PAPPA2: variants seen among roughly 807,000 people sequenced by gnomAD.
PAPPA2 encodes the protein pappalysin-2.
Under a neutral mutation model 176.4 loss-of-function variants are expected in PAPPA2, and 86 were observed. The ratio of observed to expected loss-of-function variants is 0.49; its 90% CI spans 0.41 to 0.58. The LOEUF is 0.58. Ranked by LOEUF, PAPPA2 falls within the 20% of genes least tolerant of loss-of-function variation. PAPPA2 has a pLI of 0.00. For missense variants in PAPPA2, 2,073 were observed against 2,256.9 expected (o/e 0.92, Z 1.65); for synonymous variants, 809 against 852.2 (o/e 0.95, Z 0.88).
At position 176,557,192 on chromosome 1, in the gene PAPPA2, A is replaced by G; in HGVS notation, c.870A>G (p.Glu290=). The G allele has an allele frequency of 6.2e-7, 1 of 1,611,968 alleles. No individual in the cohort carries two copies. Among genetic ancestry groups the G allele is most frequent in the Non-Finnish European group, 8.5e-7 (1 of 1,179,154 alleles). Residue 290 remains glutamate (E), a synonymous_variant, in exon 2 of 23, where the codon GAA becomes GAG. Transcript: ENST00000367662. ...AEIPREAFTV[E]AWVKPEGGQN... ...TTCCCCGGGAGGCGTTCACAGTGGA[A>G]GCCTGGGTTAAACCGGAGGGAGGAC...
intron 3 of PAPPA2, among the ~76,000 whole-genome samples, chr1:176,599,062 C>G (rs530653418): frequency 6.6e-6 from 1 of 152,118 alleles, no homozygotes; most frequent in African/African-American, 2.4e-5. Context: ...GATTGAAAAA[C>G]AGTTTATCTC....
chr1:176,628,052 C>T (rs1045950177), intron 3 of PAPPA2, among the ~76,000 whole-genome samples: 1 of 152,130 alleles, frequency 6.6e-6, no homozygotes, highest in Non-Finnish European at 1.5e-5. Context: ...AGAAGGGCCA[C>T]TCGAGATTAA....
chr1:176,492,017 A>G (rs543457045), intron 1 of PAPPA2, among the ~76,000 whole-genome samples: 24 of 152,340 alleles, frequency 1.6e-4, no homozygotes, highest in African/African-American at 5.3e-4. Context: ...TGTCCACAGG[A>G]TGCTCCTGAA....
intron 3 of PAPPA2, among the ~76,000 whole-genome samples, chr1:176,667,423 A>G (rs1043974303): frequency 6.6e-6 from 1 of 152,120 alleles, no homozygotes; most frequent in Non-Finnish European, 1.5e-5. Context: ...TGGGGAGTAT[A>G]TGGGAATGAG....
intron 2 of PAPPA2, among the ~76,000 whole-genome samples, chr1:176,562,740 G>A (rs1573045554): frequency 1.3e-5 from 2 of 152,350 alleles, no homozygotes; most frequent in Admixed American, 1.3e-4. Flanking sequence ...GAGTTGACTT[G>A]TGTGAACAGG....
intron 1 of PAPPA2, among the ~76,000 whole-genome samples, chr1:176,494,097 T>C (rs1647463506): frequency 6.6e-6 from 1 of 152,160 alleles, no homozygotes; most frequent in Non-Finnish European, 1.5e-5. Flanking sequence ...GAACATAAAT[T>C]AGACTGAAAC....
intron 12 of PAPPA2, among the ~76,000 whole-genome samples, chr1:176,712,355 A>G (rs2102836550): frequency 6.6e-6 from 1 of 152,210 alleles, no homozygotes; most frequent in African/African-American, 2.4e-5. Context: ...TAGTTATTAC[A>G]CCACTGAGGT....
intron 4 of PAPPA2, among the ~76,000 whole-genome samples, chr1:176,672,345 A>G (rs1460684579): frequency 6.6e-6 from 1 of 152,148 alleles, no homozygotes; most frequent in East Asian, 1.9e-4. Context: ...AATTTTATAA[A>G]TGATTTTTAA....
In PAPPA2 at chr1:176,556,561, G is replaced by T; in HGVS notation, c.239G>T (p.Arg80Met). The change falls in exon 2 of 23, where the codon AGG (arginine) becomes ATG (methionine). Residue 80 changes from arginine to methionine, a missense_variant. Coordinates refer to ENST00000367662, the MANE Select transcript of PAPPA2 (RefSeq NM_020318.3). ...CCCAGCAGGGCTGGGAACTACCTAA[G>T]GCCCTACCCCGTGGGGGAGCAAGAA... ...VYPSRAGNYL[R>M]PYPVGEQEIH... The T allele has an allele frequency of 6.2e-7, 1 of 1,614,210 alleles. No individual in the cohort carries two copies. The highest frequency in any genetic ancestry group is 8.5e-7 in the Non-Finnish European group (1 of 1,180,038).
At chr1:176,578,879 G>T (rs1445005711) in intron 2 of PAPPA2, among the ~76,000 whole-genome samples, 3 of 152,210 alleles carry the variant, frequency 2.0e-5, no homozygotes, top group African/African-American at 7.2e-5. Context: ...AAGGGTATGA[G>T]ATGGCGCCTT....
At chr1:176,816,152 G>A (rs1414840503) in intron 21 of PAPPA2, among the ~76,000 whole-genome samples, 1 of 42,258 alleles carries the variant, frequency 2.4e-5, no homozygotes, top group Non-Finnish European at 4.4e-5. Context: ...CTTTCACAGT[G>A]TATATATATA....
chr1:176,594,480 T>C (rs1653836499), intron 2 of PAPPA2, 44 bp from the exon 3 acceptor site: 2 of 1,501,640 alleles, frequency 1.3e-6, no homozygotes, highest in South Asian at 2.4e-5. Context: ...TTCCCCTTTG[T>C]ATCTGGTATC....
intron 1 of PAPPA2, among the ~76,000 whole-genome samples, chr1:176,539,017 C>T (rs759970065): frequency 6.6e-6 from 1 of 152,194 alleles, no homozygotes; most frequent in Non-Finnish European, 1.5e-5. Flanking sequence ...AATTCCATGG[C>T]TGGTTCTAAG....
At chr1:176,558,640 A>T (rs1651473350) in intron 2 of PAPPA2, among the ~76,000 whole-genome samples, 1 of 152,138 alleles carries the variant, frequency 6.6e-6, no homozygotes, top group Non-Finnish European at 1.5e-5. Flanking sequence ...GAAAGAGTAG[A>T]AGGAAATCCT....
chr1:176,501,923 C>G (rs745609837), intron 1 of PAPPA2, among the ~76,000 whole-genome samples: 11 of 152,166 alleles, frequency 7.2e-5, no homozygotes, highest in Admixed American at 6.5e-5. Context: ...TTAATGCACC[C>G]TGGTTCAGTG....
chr1:176,551,582 C>A (rs1048379786), intron 1 of PAPPA2, among the ~76,000 whole-genome samples: 3 of 152,146 alleles, frequency 2.0e-5, no homozygotes, highest in Non-Finnish European at 2.9e-5. Flanking sequence ...ACTGGCTCCT[C>A]TCTTTGTGCA....
rs557545411 is a variant in PAPPA2 at position 176,764,372 on chromosome 1, A to G, written c.4152-1294A>G. On this transcript the variant is annotated intron_variant, in intron 14 of 22. Transcript: ENST00000367662. The stretch of plus-strand genomic sequence containing the variant: ...CCAGTGAGGCCTTTTGCAGTGCTTC[A>G]TGCAGTAGAGGAATAACAACTCTGT... 5.9e-5 allele frequency among the ~76,000 whole-genome samples: 9 copies of G among 152,332 alleles called. No homozygotes were observed. In the Middle Eastern group the frequency reaches 0.01, roughly 173 times the overall value.
At chr1:176,574,195 A>G (rs61821125) in intron 2 of PAPPA2, among the ~76,000 whole-genome samples, 23,440 of 152,206 alleles carry the variant, frequency 0.15, 2,050 homozygotes, top group South Asian at 0.25. Context: ...ATATAGGCCT[A>G]TATATGTTAA....
At chr1:176,586,441 C>T (rs932764642) in intron 2 of PAPPA2, among the ~76,000 whole-genome samples, 7 of 152,104 alleles carry the variant, frequency 4.6e-5, no homozygotes, top group Admixed American at 1.3e-4. Flanking sequence ...GTTCCCCTCC[C>T]TCACCCCCAT....
Sources: gnomAD v4.1 joint callset for allele counts (sites outside exome capture counted in the v4.1 genomes callset) on GRCh38, gnomAD v4.1.1 for gene constraint, MANE v1.5 for transcripts, NCBI Gene and HGNC (gene_info 2026-07-23, HGNC 2026-07-21) for gene names.